SFXN1: variants seen among roughly 807,000 people sequenced by gnomAD.
SFXN1 encodes sideroflexin 1.
A neutral mutation model predicts 39.5 loss-of-function variants in SFXN1; 32 were observed. That is an observed-to-expected ratio of 0.81 (90% confidence interval 0.61 to 1.09). The LOEUF is 1.09. SFXN1 is among the 50% of genes least tolerant of loss of function. SFXN1 has a pLI of 0.00. For missense variants in SFXN1, 402 were observed against 407.1 expected, an observed-to-expected ratio of 0.99 and a Z score of 0.11; for synonymous variants, 136 against 146.5, an observed-to-expected ratio of 0.93 and a Z score of 0.52.
At chr5:175,480,217 C>CAT (rs1759185510) in intron 1 of SFXN1, among the ~76,000 whole-genome samples, 1 of 152,030 alleles carries the variant, frequency 6.6e-6, no homozygotes, top group Non-Finnish European at 1.5e-5. Context: ...CTGGCTAAGC[C>CAT]GGTGAAACCC....
chr5:175,523,765 G>A (rs563475603), intron 10 of SFXN1: 2 of 152,138 alleles, frequency 1.3e-5, no homozygotes, highest in South Asian at 2.1e-4. Flanking sequence ...CCCTCAGAAA[G>A]CGTGTGGTTT....
intron 1 of SFXN1, among the ~76,000 whole-genome samples, chr5:175,479,534 C>G (rs548604917): frequency 5.9e-5 from 9 of 152,268 alleles, no homozygotes; most frequent in Non-Finnish European, 1.2e-4. Context: ...AACACAAACT[C>G]TGGGTTTTTT....
At chr5:175,518,409 T>C (rs1457171006) in intron 8 of SFXN1, among the ~76,000 whole-genome samples, 1 of 152,216 alleles carries the variant, frequency 6.6e-6, no homozygotes, top group Non-Finnish European at 1.5e-5. Context: ...CTTTGCTGAA[T>C]GCTTGTTTAT....
At chr5:175,504,003 CAAA>C (rs56776430) in intron 2 of SFXN1, among the ~76,000 whole-genome samples, 2 of 51,974 alleles carry the variant, frequency 3.8e-5, no homozygotes, top group Non-Finnish European at 4.1e-5. Context: ...CACTCCATCT[CAAA>C]AAAAAAAAAA....
intron 2 of SFXN1, among the ~76,000 whole-genome samples, chr5:175,502,992 C>T (rs760323830): frequency 4.6e-5 from 7 of 152,128 alleles, no homozygotes; most frequent in Non-Finnish European, 7.3e-5. Context: ...AAATATGTAT[C>T]TACTCACTGT....
chr5:175,493,255 A>T (rs1330753552), intron 2 of SFXN1, among the ~76,000 whole-genome samples: 1 of 151,700 alleles, frequency 6.6e-6, no homozygotes, highest in African/African-American at 2.4e-5. Flanking sequence ...GCGAAACTCC[A>T]TCTAAAAAAA....
rs150724707 is a variant in SFXN1 at position 175,512,982 on chromosome 5, A to G, written c.597-481A>G. Among the ~76,000 whole-genome samples, 315 of 152,228 alleles carry G rather than the reference A, an allele frequency of 2.1e-3. 3 individuals carry two copies. Among genetic ancestry groups the G allele is most frequent in the African/African-American group, 7.0e-3 (289 of 41,536 alleles). Reference sequence around the variant, plus strand: ...TTACTTTTATTTCTATCAAAGGAGGATTAAACTTATCCATGGTATTTAAAA... The same window carrying G: ...TTACTTTTATTTCTATCAAAGGAGGGTTAAACTTATCCATGGTATTTAAAA... On this transcript the variant is annotated intron_variant, in intron 6 of 10. Transcript: ENST00000321442.
intron 10 of SFXN1, chr5:175,522,694 T>A (rs1381593921): frequency 2.7e-6 from 1 of 370,754 alleles, no homozygotes; most frequent in Non-Finnish European, 4.9e-6. Context: ...GCAAATTTGC[T>A]TTTATGAAAA....
chr5:175,483,812 G>T (rs968882196), intron 1 of SFXN1: 1 of 152,300 alleles, frequency 6.6e-6, no homozygotes, highest in African/African-American at 2.4e-5. Context: ...CCACCCCAGC[G>T]CTTCTGCATA....
chr5:175,515,579 A>G (rs987069242), intron 7 of SFXN1, among the ~76,000 whole-genome samples: 2 of 152,174 alleles, frequency 1.3e-5, no homozygotes, highest in South Asian at 4.1e-4. Context: ...TACATGCAGT[A>G]TTGTCTCCAA....
intron 7 of SFXN1, among the ~76,000 whole-genome samples, chr5:175,515,434 A>G (rs1222217655): frequency 6.6e-6 from 1 of 152,206 alleles, no homozygotes; most frequent in Non-Finnish European, 1.5e-5. Flanking sequence ...TAGTCCCCAG[A>G]GAAGAAATAC....
chr5:175,504,267 T>G (rs948180953), intron 2 of SFXN1, among the ~76,000 whole-genome samples: 1 of 151,940 alleles, frequency 6.6e-6, no homozygotes, highest in African/African-American at 2.4e-5. Flanking sequence ...TTTTCCATAA[T>G]GTATGTAATA....
intron 1 of SFXN1, among the ~76,000 whole-genome samples, chr5:175,484,576 C>G (rs1759379575): frequency 1.3e-5 from 2 of 152,248 alleles, no homozygotes; most frequent in Admixed American, 1.3e-4. Context: ...CTGGGGATCC[C>G]CACATAGCGG....
chr5:175,498,268 T>C (rs531986698), intron 2 of SFXN1, among the ~76,000 whole-genome samples: 5 of 152,080 alleles, frequency 3.3e-5, no homozygotes, highest in Non-Finnish European at 7.4e-5. Context: ...AATAGGAAAA[T>C]AGTAAACCCT....
intron 10 of SFXN1, chr5:175,524,119 AAAAAAAATATATATAT>A (rs1355925572): frequency 4.4e-4 from 17 of 38,602 alleles, no homozygotes; most frequent in African/African-American, 1.0e-3. Context: ...AAAAAAAAAA[AAAAAAAATATATATAT>A]ATATATATAT....
At chr5:175,513,726 A>T in intron 7 of SFXN1, 136 bp downstream of exon 7, 1 of 867,554 alleles carries the variant, frequency 1.2e-6, no homozygotes, top group South Asian at 1.6e-5. Context: ...GAAAATAAAC[A>T]AGTAAATAAA....
chr5:175,511,597 A>G (rs772338383), intron 5 of SFXN1, 71 bp downstream of exon 5: 8 of 1,226,322 alleles, frequency 6.5e-6, no homozygotes, highest in East Asian at 4.7e-5. Context: ...AAATCCCTCT[A>G]TTATTTCTTA....
In SFXN1 at chr5:175,490,861, A is replaced by G. The variant is rs188803631; in HGVS notation, c.-9-1234A>G. Reference sequence around the variant, plus strand: ...CTCATGAAATAAGTGCAAAAAAAACAAGATCTTAAAATATATAGTATGATA... The same window carrying G: ...CTCATGAAATAAGTGCAAAAAAAACGAGATCTTAAAATATATAGTATGATA... On this transcript the variant is annotated intron_variant, in intron 1 of 10. Transcript: ENST00000321442. 6.5e-4 allele frequency among the ~76,000 whole-genome samples: 99 copies of G among 152,142 alleles called. No homozygotes were observed. In the East Asian group the frequency reaches 0.015, roughly 23 times the overall value.
chr5:175,526,879 ACTTTAACAGAGCACCT>A lies in SFXN1; in HGVS notation c.*146_*161del. On this transcript the variant is annotated 3_prime_UTR_variant, in exon 11 of 11. Coordinates refer to ENST00000321442, the MANE Select transcript of SFXN1 (RefSeq NM_022754.7). ...ATTAGCCTTTTAGAATAAAGCTGCT[ACTTTAACAGAGCACCT>A]GGCGTGGGCCAAGTGCCTGATACTC... 1.5e-6 allele frequency: 1 copy of A among 678,432 alleles called. No individual in the cohort carries two copies. Among genetic ancestry groups the A allele is most frequent in the South Asian group, 1.8e-5 (1 of 55,056 alleles). 42.0% of individuals were successfully genotyped at this position (678,432 alleles called of 1,614,324 possible). A position where few individuals can be genotyped will look rare whatever the true frequency, so the allele number is the denominator to read the frequency against.
Sources: gnomAD v4.1 joint callset for allele counts (sites outside exome capture counted in the v4.1 genomes callset) on GRCh38, gnomAD v4.1.1 for gene constraint, MANE v1.5 for transcripts, NCBI Gene and HGNC (gene_info 2026-07-23, HGNC 2026-07-21) for gene names.